DCC: variants seen among roughly 807,000 people sequenced by gnomAD.
The protein encoded by DCC is netrin receptor DCC.
DCC carries 58 observed loss-of-function variants against 172.5 expected under a neutral mutation model. The ratio of observed to expected loss-of-function variants is 0.34; its 90% CI spans 0.27 to 0.42. The LOEUF is 0.42. Ranked by LOEUF, DCC falls within the 10% of genes least tolerant of loss-of-function variation. DCC has a pLI of 1.00. For synonymous variants in DCC, 709 were observed against 644.5 expected (o/e 1.10, Z -1.52); for missense variants, 1,740 against 1,791.0 (o/e 0.97, Z 0.51).
intron 12 of DCC, among the ~76,000 whole-genome samples, chr18:53,273,213 A>G (rs937656291): frequency 1.3e-5 from 2 of 152,134 alleles, no homozygotes; most frequent in African/African-American, 2.4e-5. Flanking sequence ...AGCCTGAAGT[A>G]TGTGCTCTTA....
chr18:52,812,933 C>T (rs1330552471), intron 2 of DCC, among the ~76,000 whole-genome samples: 1 of 152,168 alleles, frequency 6.6e-6, no homozygotes, highest in African/African-American at 2.4e-5. Flanking sequence ...CACCAGCAAT[C>T]AGGCAGAAAC....
rs1042756270 is a variant in DCC, at chr18:53,374,958, G to T, written c.2360-11085G>T. Among the ~76,000 whole-genome samples the T allele has an allele frequency of 2.0e-5, 3 of 152,096 alleles. No homozygotes were observed. In the East Asian group the frequency reaches 5.8e-4, roughly 29 times the overall value. On this transcript the variant is annotated intron_variant, in intron 15 of 28. Coordinates refer to ENST00000442544, the MANE Select transcript of DCC (RefSeq NM_005215.4). ...TTCAAAGAGAGTGTAAACCATTTGGGCCTACTTGCTGTCTTACTCAGTGTT... is the reference window on the plus strand; with the variant it reads ...TTCAAAGAGAGTGTAAACCATTTGGTCCTACTTGCTGTCTTACTCAGTGTT...
At chr18:52,530,644 T>C (rs1377177452) in intron 1 of DCC, among the ~76,000 whole-genome samples, 1 of 152,204 alleles carries the variant, frequency 6.6e-6, no homozygotes, top group Non-Finnish European at 1.5e-5. Flanking sequence ...ATTAAAAATA[T>C]CATTTTTTCA....
intron 1 of DCC, among the ~76,000 whole-genome samples, chr18:52,589,381 A>G (rs1160408964): frequency 6.6e-6 from 1 of 152,254 alleles, no homozygotes; most frequent in Non-Finnish European, 1.5e-5. Flanking sequence ...TATGACACAA[A>G]TAACCTAAGT....
At position 53,530,680 on chromosome 18, in the gene DCC, A is replaced by T; in HGVS notation, c.*27A>T. ...ATGTATTTCTGAATGGATGAGGTGA[A>T]TTTTCCGGGAACTTTGCAGCATACC... On this transcript the variant is annotated 3_prime_UTR_variant, in exon 29 of 29. Transcript: ENST00000442544. The T allele has an allele frequency of 7.9e-7, 1 of 1,267,570 alleles. No individual in the cohort carries two copies. Among genetic ancestry groups the T allele is most frequent in the African/African-American group, 1.5e-5 (1 of 68,246 alleles). 78.5% of individuals were successfully genotyped at this position (1,267,570 alleles called of 1,614,324 possible).
intron 1 of DCC, among the ~76,000 whole-genome samples, chr18:52,350,022 TTG>T (rs1215468543): frequency 1.3e-5 from 2 of 152,222 alleles, no homozygotes; most frequent in African/African-American, 4.8e-5. Context: ...CTCTCAAAAC[TTG>T]TGTTATCAGT....
chr18:53,066,940 AAG>A (rs1187193356), intron 7 of DCC, among the ~76,000 whole-genome samples: 1 of 151,990 alleles, frequency 6.6e-6, no homozygotes, highest in Admixed American at 6.6e-5. Context: ...GAAACAGAGA[AAG>A]AGGGGGAAGT....
chr18:53,361,428 T>C (rs965009698), intron 15 of DCC, among the ~76,000 whole-genome samples: 2 of 152,206 alleles, frequency 1.3e-5, no homozygotes, highest in Admixed American at 1.3e-4. Context: ...CTAACAAATA[T>C]ATTTTTAATG....
intron 1 of DCC, among the ~76,000 whole-genome samples, chr18:52,507,064 T>G (rs1014704501): frequency 6.6e-6 from 1 of 152,002 alleles, no homozygotes. Flanking sequence ...GGGCACCAAA[T>G]AGTTAAAAAA....
chr18:53,285,152 G>C (rs568812444), intron 12 of DCC, among the ~76,000 whole-genome samples: 59 of 152,286 alleles, frequency 3.9e-4, no homozygotes, highest in African/African-American at 1.4e-3. Flanking sequence ...CAAGCCAGCT[G>C]CAGAAATTTG....
chr18:52,795,328 C>G (rs1400320154), intron 2 of DCC, among the ~76,000 whole-genome samples: 1 of 151,016 alleles, frequency 6.6e-6, no homozygotes, highest in Non-Finnish European at 1.5e-5. Context: ...GTTAGGTTTT[C>G]TATTTCTGTC....
intron 1 of DCC, among the ~76,000 whole-genome samples, chr18:52,706,625 C>T (rs2036216046): frequency 6.6e-6 from 1 of 152,174 alleles, no homozygotes; most frequent in Non-Finnish European, 1.5e-5. Context: ...CAGCTCAGTT[C>T]AAGCATTGCC....
intron 5 of DCC, among the ~76,000 whole-genome samples, chr18:52,944,335 A>G (rs914540139): frequency 1.7e-4 from 26 of 152,188 alleles, no homozygotes; most frequent in African/African-American, 6.0e-4. Context: ...TTCGAATTCC[A>G]GAGTTCAGCT....
intron 1 of DCC, among the ~76,000 whole-genome samples, chr18:52,665,939 T>C (rs866119778): frequency 2.0e-5 from 3 of 152,320 alleles, no homozygotes; most frequent in African/African-American, 7.2e-5. Flanking sequence ...AAAATGTCTC[T>C]AGACTTCACT....
At position 53,467,775 on chromosome 18, in the gene DCC, T is replaced by C; in HGVS notation, c.3620-119T>C. 3.9e-6 allele frequency: 3 copies of C among 763,542 alleles called. No homozygotes were observed. The South Asian group carries it at 4.1e-5, about 10-fold the overall frequency. 47.3% of individuals were successfully genotyped at this position (763,542 alleles called of 1,614,324 possible). A position where few individuals can be genotyped will look rare whatever the true frequency, so the allele number is the denominator to read the frequency against. ...GAAATAGATTCAGGTAACAAGAAGG[T>C]AGATACTATCATAGAAAGCATCTGT... is the stretch of plus-strand genomic sequence containing the variant. On this transcript the variant is annotated intron_variant, in intron 24 of 28. Transcript: ENST00000442544.
At chr18:53,427,557 G>A (rs117401482) in intron 21 of DCC, among the ~76,000 whole-genome samples, 1,243 of 123,288 alleles carry the variant, frequency 0.01, 17 homozygotes, top group Admixed American at 0.032. Context: ...ATCAGCAGCC[G>A]GGCAAGGGAG....
At chr18:52,796,723 GC>G (rs2037883976) in intron 2 of DCC, among the ~76,000 whole-genome samples, 5 of 152,074 alleles carry the variant, frequency 3.3e-5, no homozygotes, top group Admixed American at 3.3e-4. Flanking sequence ...GTGACTTGAT[GC>G]TTTTTCTCTT....
At chr18:53,449,618 T>C (rs571116713) in intron 22 of DCC, among the ~76,000 whole-genome samples, 20 of 152,314 alleles carry the variant, frequency 1.3e-4, no homozygotes, top group African/African-American at 4.8e-4. Context: ...CAGCATCAAA[T>C]AGTGTTTCCT....
intron 7 of DCC, among the ~76,000 whole-genome samples, chr18:53,076,834 G>C (rs907095257): frequency 6.6e-6 from 1 of 152,174 alleles, no homozygotes; most frequent in Admixed American, 6.5e-5. Context: ...ATGTGTCTCT[G>C]TTGCTAGGAG....
Sources: gnomAD v4.1 joint callset for allele counts (sites outside exome capture counted in the v4.1 genomes callset) on GRCh38, gnomAD v4.1.1 for gene constraint, MANE v1.5 for transcripts, NCBI Gene and HGNC (gene_info 2026-07-23, HGNC 2026-07-21) for gene names.